TSPAN12: variants seen among roughly 807,000 people sequenced by gnomAD.
TSPAN12 encodes tetraspanin 12.
TSPAN12 carries 19 observed loss-of-function variants against 39.2 expected under a neutral mutation model. The ratio of observed to expected loss-of-function variants is 0.49; its 90% CI spans 0.34 to 0.71. The LOEUF (loss-of-function observed/expected upper bound fraction) is 0.71, where lower values mean the gene tolerates loss of function less well. TSPAN12 is among the 30% of genes least tolerant of loss of function. The pLI is 0.01. For missense variants in TSPAN12, 314 were observed against 359.9 expected (o/e 0.87, Z 1.03); for synonymous variants, 119 against 124.8 (o/e 0.95, Z 0.31).
intron 4 of TSPAN12, among the ~76,000 whole-genome samples, chr7:120,823,830 C>T (rs958391940): frequency 5.3e-5 from 8 of 152,130 alleles, no homozygotes; most frequent in Admixed American, 1.3e-4. Context: ...TAAATTAGCT[C>T]TCTAAATTAT....
intron 5 of TSPAN12, 22 bp downstream of exon 5, chr7:120,815,707 A>G: frequency 6.2e-7 from 1 of 1,600,034 alleles, no homozygotes; most frequent in Non-Finnish European, 8.6e-7. Context: ...TTAGATTGTG[A>G]TTATATCTAT....
At chr7:120,839,297 A>T (rs967783460) in intron 3 of TSPAN12, among the ~76,000 whole-genome samples, 2 of 152,080 alleles carry the variant, frequency 1.3e-5, no homozygotes, top group Non-Finnish European at 2.9e-5. Context: ...CTAATTTTTG[A>T]TCCCATGTGC....
At chr7:120,800,981 G>A (rs1235005415) in intron 7 of TSPAN12, among the ~76,000 whole-genome samples, 2 of 151,848 alleles carry the variant, frequency 1.3e-5, no homozygotes, top group African/African-American at 4.8e-5. Flanking sequence ...GTAGAGTTAG[G>A]GCTTCATCAT....
intron 4 of TSPAN12, among the ~76,000 whole-genome samples, chr7:120,826,560 C>A (rs1794291594): frequency 6.6e-6 from 1 of 152,102 alleles, no homozygotes; most frequent in African/African-American, 2.4e-5. Context: ...CATGAACATG[C>A]AAACAGGAAG....
intron 7 of TSPAN12, among the ~76,000 whole-genome samples, chr7:120,795,513 C>G (rs1462643681): frequency 6.6e-6 from 1 of 152,178 alleles, no homozygotes; most frequent in Non-Finnish European, 1.5e-5. Flanking sequence ...ATTGGAAGAA[C>G]ACCCATGGCT....
intron 6 of TSPAN12, among the ~76,000 whole-genome samples, chr7:120,809,808 G>C (rs1049236261): frequency 1.3e-5 from 2 of 152,150 alleles, no homozygotes; most frequent in African/African-American, 4.8e-5. Context: ...GGTTAGGTAA[G>C]AAATGCTAAA....
chr7:120,811,177 A>C (rs1793974107), intron 5 of TSPAN12, among the ~76,000 whole-genome samples: 1 of 152,182 alleles, frequency 6.6e-6, no homozygotes, highest in Non-Finnish European at 1.5e-5. Context: ...ACTATGGAAA[A>C]CAGTGTGGAG....
chr7:120,843,918 T>C (rs543159976), intron 2 of TSPAN12, among the ~76,000 whole-genome samples: 1 of 152,282 alleles, frequency 6.6e-6, no homozygotes, highest in African/African-American at 2.4e-5. Flanking sequence ...GGTGTATTAG[T>C]CCATTCTCAC....
chr7:120,815,698 T>C, intron 5 of TSPAN12, 31 bp downstream of exon 5: 1 of 1,588,762 alleles, frequency 6.3e-7, no homozygotes, highest in Admixed American at 1.7e-5. Flanking sequence ...ACTGTTGTTT[T>C]AGATTGTGAT....
At position 120,840,036 on chromosome 7, in the gene TSPAN12, G is replaced by T; in HGVS notation, c.140C>A (p.Ala47Glu). 6.2e-7 allele frequency: 1 copy of T among 1,611,308 alleles called. No homozygotes were observed. Among genetic ancestry groups the T allele is most frequent in the South Asian group, 1.1e-5 (1 of 91,018 alleles). ...TAATTATAAAGTATACCTCGTTTCT[G>T]CAGTTAAAGTGAGAACATTATTTAG... is the stretch of plus-strand genomic sequence containing the variant. ...DYLNNVLTLT[A>E]ETRVEEAVIL... Residue 47 changes from alanine to glutamate, a missense_variant, in exon 3 of 8, where the codon GCA becomes GAA. Coordinates refer to ENST00000222747, the MANE Select transcript of TSPAN12 (RefSeq NM_012338.4).
At chr7:120,857,263 C>G (rs1341395744) in intron 1 of TSPAN12, 1 of 249,564 alleles carries the variant, frequency 4.0e-6, no homozygotes, top group Non-Finnish European at 7.9e-6. Context: ...CACCGGCAAG[C>G]CCGAGAGAAT....
chr7:120,817,905 A>G (rs1240804965), intron 4 of TSPAN12, among the ~76,000 whole-genome samples: 5 of 152,150 alleles, frequency 3.3e-5, no homozygotes, highest in Non-Finnish European at 7.4e-5. Context: ...TCCTCATCAC[A>G]TAATAGGTGT....
chr7:120,846,765 C>G lies in TSPAN12; in HGVS notation c.67-6656G>C, dbSNP rs1179534176. 2.0e-5 allele frequency among the ~76,000 whole-genome samples: 3 copies of G among 152,294 alleles called. No homozygotes were observed. The South Asian group carries it at 6.2e-4, about 32-fold the overall frequency. On this transcript the variant is annotated intron_variant, in intron 2 of 7. Coordinates refer to ENST00000222747, the MANE Select transcript of TSPAN12 (RefSeq NM_012338.4). ...ACTTATCAGGGATATAAATATGTAA[C>G]AGAACTGTAACAAGCGCTGAGAAGA...
intron 2 of TSPAN12, among the ~76,000 whole-genome samples, chr7:120,854,460 G>A (rs577252699): frequency 4.6e-5 from 7 of 152,268 alleles, no homozygotes; most frequent in South Asian, 4.1e-4. Flanking sequence ...TGTTCTCAGC[G>A]CTGTATATAT....
intron 4 of TSPAN12, among the ~76,000 whole-genome samples, chr7:120,829,579 T>C (rs113671677): frequency 2.0e-5 from 3 of 152,270 alleles, no homozygotes; most frequent in African/African-American, 7.2e-5. Context: ...AGGAAGTTAG[T>C]AGAGAGACAT....
intron 5 of TSPAN12, among the ~76,000 whole-genome samples, chr7:120,812,388 G>C (rs1480848115): frequency 6.6e-6 from 1 of 152,028 alleles, no homozygotes; most frequent in African/African-American, 2.4e-5. Flanking sequence ...ATATAGACTG[G>C]GCTTAGTAAA....
intron 7 of TSPAN12, among the ~76,000 whole-genome samples, chr7:120,804,875 G>C (rs1200364144): frequency 6.6e-6 from 1 of 152,056 alleles, no homozygotes; most frequent in African/African-American, 2.4e-5. Context: ...ACAGATCAGG[G>C]TGATTTTTCT....
chr7:120,836,591 C>T (rs114245505), intron 4 of TSPAN12, among the ~76,000 whole-genome samples: 181 of 152,298 alleles, frequency 1.2e-3, no homozygotes, highest in African/African-American at 4.2e-3. Flanking sequence ...GCCTCAATAG[C>T]ACCCAGTGCA....
At chr7:120,793,241 T>A (rs1793567540) in intron 7 of TSPAN12, among the ~76,000 whole-genome samples, 1 of 152,244 alleles carries the variant, frequency 6.6e-6, no homozygotes, top group South Asian at 2.1e-4. Flanking sequence ...ATGACATTGA[T>A]TTGTAACTTT....
Sources: gnomAD v4.1 joint callset for allele counts (sites outside exome capture counted in the v4.1 genomes callset) on GRCh38, gnomAD v4.1.1 for gene constraint, MANE v1.5 for transcripts, NCBI Gene and HGNC (gene_info 2026-07-23, HGNC 2026-07-21) for gene names.